Variants in EPRS1 observed in about 807,000 individuals in gnomAD.
EPRS1 encodes bifunctional glutamate/proline--tRNA ligase.
In EPRS1, 107 loss-of-function variants were observed where a neutral mutation model predicts 188.3. The observed-to-expected ratio is 0.57, with a 90% CI of 0.49 to 0.67. The LOEUF (loss-of-function observed/expected upper bound fraction) is 0.67. Among genes scored for constraint, EPRS1 ranks in the 30% least tolerant of loss-of-function variants. The pLI is 0.00. For missense variants in EPRS1, 1,577 were observed against 1,802.2 expected (o/e 0.88, Z 2.26); for synonymous variants, 596 against 593.1 (o/e 1.00, Z -0.07).
At chr1:219,978,964 A>T (rs11118479) in intron 27 of EPRS1, among the ~76,000 whole-genome samples, 8,516 of 125,946 alleles carry the variant, frequency 0.068, 686 homozygotes, top group African/African-American at 0.2. Context: ...ATATATATAT[A>T]TTTTTTTTTC....
At position 219,997,015 on chromosome 1, in the gene EPRS1, C is replaced by A; in HGVS notation, c.2509G>T (p.Val837Phe). The A allele has an allele frequency of 6.2e-7, 1 of 1,608,438 alleles. No individual in the cohort carries two copies. The highest frequency in any genetic ancestry group is 8.5e-7 in the Non-Finnish European group (1 of 1,178,158). ...YDEVAAQGEV[V>F]RKLKAEKSPK... Reference sequence around the variant, plus strand: ...GATTTTTCAGCTTTTAGCTTACGAACCACCTCCCCTTGTGCAGCAACTTCA... The same window carrying A: ...GATTTTTCAGCTTTTAGCTTACGAAACACCTCCCCTTGTGCAGCAACTTCA... The change falls in exon 18 of 32, where the codon GTT (valine) becomes TTT (phenylalanine). Residue 837 changes from valine (V) to phenylalanine (F), a missense_variant. Coordinates refer to ENST00000366923, the MANE Select transcript of EPRS1 (RefSeq NM_004446.3).
chr1:220,009,103 G>A (rs1254078507), intron 13 of EPRS1, among the ~76,000 whole-genome samples: 1 of 152,156 alleles, frequency 6.6e-6, no homozygotes, highest in Non-Finnish European at 1.5e-5. Context: ...TATGGTAGGT[G>A]ATATGGCAGG....
rs76455765 is a variant in EPRS1 at position 219,981,977 on chromosome 1, T to A, written c.3374-520A>T. Among the ~76,000 whole-genome samples, 843 of 152,336 alleles carry A rather than the reference T, an allele frequency of 5.5e-3. 8 individuals are homozygous for A. Among genetic ancestry groups the A allele is most frequent in the African/African-American group, 0.02 (819 of 41,576 alleles). ...GCATCTACTCAGAGTATGAAAGCTC[T>A]TGCAATGAAGTGCAAAGTGAAGATA... On this transcript the variant is annotated intron_variant, in intron 23 of 31. Transcript: ENST00000366923.
At position 220,024,508 on chromosome 1, in the gene EPRS1, G is replaced by A. The variant is rs373620322; in HGVS notation, c.751-52C>T. 6.7e-6 allele frequency: 9 copies of A among 1,341,096 alleles called. No individual in the cohort carries two copies. The African/African-American group carries it at 1.2e-4, about 17-fold the overall frequency. The allele number at this position is 1,341,096 out of a possible 1,614,324, so 83.1% of individuals were successfully genotyped here. On this transcript the variant is annotated intron_variant, in intron 7 of 31. Transcript: ENST00000366923. ...CAGTATATCTTTTGCATTTTTTCGT[G>A]CATTTTCAACCCTTGATACTGCATT...
Position 219,988,707 on chromosome 1 carries a change from G to T in EPRS1, c.2658C>A (p.Ser886Arg). 6.2e-7 allele frequency: 1 copy of T among 1,613,820 alleles called. No individual in the cohort carries two copies. Among genetic ancestry groups the T allele is most frequent in the Non-Finnish European group, 8.5e-7 (1 of 1,179,774 alleles). The change falls in exon 19 of 32, where the codon AGC (serine) becomes AGA (arginine). Residue 886 changes from serine to arginine, a missense_variant. By Grantham distance (110) the Ser-to-Arg change is moderately radical (BLOSUM62 -1). Around this residue, in one of 3 missense-constraint regions of EPRS1, gnomAD observed 1,278 missense variants for 1,457.4 expected, o/e 0.88. Coordinates refer to ENST00000366923, the MANE Select transcript of EPRS1 (RefSeq NM_004446.3). The part of the protein sequence containing the change: ...QPPLSQSSDS[S>R]PTRNSEPAGL... ...CAGCAGGTTCAGAATTTCTGGTTGG[G>T]CTTGAATCCGAACTTTGAGATAATG... is the stretch of plus-strand genomic sequence containing the variant.
chr1:220,015,172 A>G (rs1661677767), intron 12 of EPRS1, among the ~76,000 whole-genome samples: 2 of 152,172 alleles, frequency 1.3e-5, no homozygotes, highest in South Asian at 2.1e-4. Flanking sequence ...GAAGAAAGAA[A>G]AAGAATTCAA....
intron 16 of EPRS1, among the ~76,000 whole-genome samples, chr1:220,003,371 C>T (rs954077031): frequency 1.3e-5 from 2 of 152,108 alleles, no homozygotes; most frequent in Non-Finnish European, 2.9e-5. Context: ...TGTGACTTAT[C>T]TTTTCACTTT....
In EPRS1 at chr1:219,968,887, G is replaced by C; in HGVS notation, c.4458C>G (p.Leu1486=). 1.2e-6 allele frequency: 2 copies of C among 1,614,130 alleles called. No individual in the cohort carries two copies. The highest frequency in any genetic ancestry group is 1.7e-6 in the Non-Finnish European group (2 of 1,179,966). ...AKSLCIPFKP[L]CELQPGAKCV... ...ATTTGGCTCCAGGCTGCAGTTCACA[G>C]AGTGGTTTGAAGGGGATGCAAAGGC... Residue 1486 remains leucine, a synonymous_variant, in exon 32 of 32, where the codon CTC becomes CTG. Coordinates refer to ENST00000366923, the MANE Select transcript of EPRS1 (RefSeq NM_004446.3).
At position 219,973,332 on chromosome 1, in the gene EPRS1, G is replaced by A. The variant is rs771013981; in HGVS notation, c.4150C>T (p.Arg1384Ter). 5.6e-6 allele frequency: 9 copies of A among 1,612,272 alleles called. No homozygotes were observed. Among genetic ancestry groups the A allele is most frequent in the Non-Finnish European group, 5.1e-6 (6 of 1,179,530 alleles). Residue 1384 changes from arginine to a stop codon, truncating the protein, a stop_gained, in exon 29 of 32, where the codon CGA becomes TGA. Transcript: ENST00000366923. LOFTEE classifies it high-confidence loss of function. Reference protein sequence around the residue: ...MKSCQFVAVRRDTGEKLTVAE... With the variant: ...MKSCQFVAVR ...ACTGTCAGCTTTTCTCCAGTATCTC[G>A]TCTGACGGCTACAAACTGACAGCTC...
At chr1:220,015,016 GA>G (rs1244453933) in intron 12 of EPRS1, among the ~76,000 whole-genome samples, 1 of 152,138 alleles carries the variant, frequency 6.6e-6, no homozygotes, top group African/African-American at 2.4e-5. Context: ...AAATTCAACA[GA>G]AAGGTGGGAA....
intron 23 of EPRS1, 197 bp downstream of exon 23, chr1:219,982,575 T>A (rs916229304): frequency 1.4e-4 from 58 of 405,256 alleles, no homozygotes; most frequent in Admixed American, 1.3e-3. Flanking sequence ...AATTTAATGA[T>A]AAGGAGCTCT....
At chr1:220,022,667 T>A (rs1661899874) in intron 8 of EPRS1, 149 bp from the exon 9 acceptor site, 2 of 633,744 alleles carry the variant, frequency 3.2e-6, no homozygotes, top group African/African-American at 3.7e-5. Context: ...CAGTATCCAG[T>A]ACCAAGAGCA....
intron 12 of EPRS1, among the ~76,000 whole-genome samples, chr1:220,012,213 T>A (rs1661618545): frequency 1.8e-5 from 2 of 111,168 alleles, no homozygotes; most frequent in Admixed American, 2.2e-4. Context: ...TCAAGTTTAC[T>A]GTTTCATTCC....
At chr1:220,032,739 G>A (rs1662110600) in intron 4 of EPRS1, among the ~76,000 whole-genome samples, 1 of 152,060 alleles carries the variant, frequency 6.6e-6, no homozygotes, top group South Asian at 2.1e-4. Flanking sequence ...ACCAACTGAA[G>A]ACGAAAAATA....
At chr1:220,029,156 C>A (rs1662040339) in intron 6 of EPRS1, among the ~76,000 whole-genome samples, 1 of 152,112 alleles carries the variant, frequency 6.6e-6, no homozygotes, top group South Asian at 2.1e-4. Context: ...TCCAACAGGA[C>A]AATCATGACC....
rs577685010 is a variant in EPRS1 at position 220,025,857 on chromosome 1, C to A, written c.624-599G>T. Among the ~76,000 whole-genome samples the A allele has an allele frequency of 4.6e-5, 7 of 151,174 alleles. No individual in the cohort carries two copies. In the South Asian group the frequency reaches 1.5e-3, roughly 32 times the overall value. ...TCGCCCAGGCTGGAGTGCAGTGGCA[C>A]GTTCTCAGCTCACTGCAACCTCCAC... is the stretch of plus-strand genomic sequence containing the variant. On this transcript the variant is annotated intron_variant, in intron 6 of 31. Transcript: ENST00000366923.
At position 220,007,126 on chromosome 1, in the gene EPRS1, G is replaced by T. The variant is rs1027614197; in HGVS notation, c.1742+76C>A. 11 of 1,296,292 alleles carry T rather than the reference G, an allele frequency of 8.5e-6. No individual in the cohort carries two copies. In the East Asian group the frequency reaches 2.3e-4, roughly 27 times the overall value. 80.3% of individuals were successfully genotyped at this position (1,296,292 alleles called of 1,614,324 possible). Reference sequence around the variant, plus strand: ...CAGCAACATGTATGGGTCTGAATTTGGTAATGTTTAATAAGTAAACACAAA... The same window carrying T: ...CAGCAACATGTATGGGTCTGAATTTTGTAATGTTTAATAAGTAAACACAAA... On this transcript the variant is annotated intron_variant, in intron 14 of 31. Transcript: ENST00000366923.
At chr1:219,982,649 T>C (rs1050879300) in intron 23 of EPRS1, 123 bp downstream of exon 23, 6 of 714,246 alleles carry the variant, frequency 8.4e-6, no homozygotes, top group South Asian at 4.0e-5. Flanking sequence ...TCATCAACAT[T>C]CATGAAATGT....
chr1:220,040,311 G>T, intron 1 of EPRS1, 42 bp from the exon 2 acceptor site: 4 of 1,289,246 alleles, frequency 3.1e-6, no homozygotes, highest in Non-Finnish European at 3.4e-6. Context: ...TAAAAGCAAT[G>T]CAGTATTTAT....
Sources: gnomAD v4.1 joint callset for allele counts (sites outside exome capture counted in the v4.1 genomes callset) on GRCh38, gnomAD v4.1.1 for gene constraint, gnomAD v4.1.1 regional missense constraint, MANE v1.5 for transcripts, NCBI Gene and HGNC (gene_info 2026-07-23, HGNC 2026-07-21) for gene names.